Variants in RBM5 observed in about 807,000 individuals in gnomAD.
The protein encoded by RBM5 is RNA binding motif protein 5.
A neutral mutation model predicts 124.6 loss-of-function variants in RBM5; 15 were observed. The ratio of observed to expected loss-of-function variants is 0.12; its 90% CI spans 0.08 to 0.19. The LOEUF (loss-of-function observed/expected upper bound fraction) is 0.19, where lower values mean the gene tolerates loss of function less well. RBM5 is among the 10% of genes least tolerant of loss of function. RBM5 has a pLI of 1.00. For missense variants in RBM5, 580 were observed against 1,026.5 expected (o/e 0.57, Z 5.94); for synonymous variants, 337 against 361.2 (o/e 0.93, Z 0.76).
At chr3:50,092,657 T>C in intron 3 of RBM5, 1 of 421,872 alleles carries the variant, frequency 2.4e-6, no homozygotes, top group Admixed American at 2.5e-5. Flanking sequence ...CATTTAGGTC[T>C]CAGTACAACC....
rs540432981 is a variant in RBM5 at position 50,109,585 on chromosome 3, A to G, written c.1193-18A>G. On this transcript the variant is annotated intron_variant, in intron 14 of 24. Coordinates refer to ENST00000347869, the MANE Select transcript of RBM5 (RefSeq NM_005778.4). ...GTTCAGTGCCTTGGCTTTCCCTAAC[A>G]CTTGTGTTTATCATCAGGCACAGCA... 16 of 1,609,052 alleles carry G rather than the reference A, an allele frequency of 9.9e-6. 1 individual carries two copies. In the South Asian group the frequency reaches 1.2e-4, roughly 12 times the overall value.
rs140927160 is a variant in RBM5 at position 50,101,376 on chromosome 3, C to G, written c.483+771C>G. On this transcript the variant is annotated intron_variant, in intron 6 of 24. Coordinates refer to ENST00000347869, the MANE Select transcript of RBM5 (RefSeq NM_005778.4). Reference sequence around the variant, plus strand: ...CTGGGAAGTTTGCTTGACTCATTATCTTGCTTTTCTGCAGCATTCTGTGAT... The same window carrying G: ...CTGGGAAGTTTGCTTGACTCATTATGTTGCTTTTCTGCAGCATTCTGTGAT... The G allele has an allele frequency of 3.1e-4, 47 of 152,294 alleles. 1 individual carries two copies. The East Asian group carries it at 8.9e-3, about 29-fold the overall frequency. The allele number at this position is 152,294 out of a possible 1,614,324, so 9.4% of individuals were successfully genotyped here. A position where few individuals can be genotyped will look rare whatever the true frequency, so the allele number is the denominator to read the frequency against.
chr3:50,115,379 C>T (rs758658078), intron 20 of RBM5, 49 bp from the exon 21 acceptor site: 2 of 1,586,702 alleles, frequency 1.3e-6, no homozygotes, highest in Admixed American at 3.8e-5. Context: ...TAGCCACCGC[C>T]ATCTTCCTAT....
At chr3:50,093,957 GTTTTA>G in intron 4 of RBM5, 82 bp downstream of exon 4, 1 of 1,485,308 alleles carries the variant, frequency 6.7e-7, no homozygotes, top group Non-Finnish European at 9.2e-7. Flanking sequence ...TCATGCTATT[GTTTTA>G]TCTTAAGCCA....
At chr3:50,110,600 T>G (rs1330406249) in intron 16 of RBM5, 79 bp from the exon 17 acceptor site, 16 of 1,449,554 alleles carry the variant, frequency 1.1e-5, no homozygotes, top group Non-Finnish European at 1.5e-5. Context: ...TTAGGCCTGC[T>G]GCATCTCACT....
At chr3:50,109,751 A>G (rs2109011524) in intron 15 of RBM5, 63 bp downstream of exon 15, 2 of 1,320,592 alleles carry the variant, frequency 1.5e-6, no homozygotes, top group Non-Finnish European at 2.2e-6. Flanking sequence ...TTGCTATACA[A>G]GTATTACCCT....
intron 22 of RBM5, 86 bp from the exon 23 acceptor site, chr3:50,116,988 T>G: frequency 8.1e-7 from 1 of 1,231,070 alleles, no homozygotes; most frequent in Non-Finnish European, 1.2e-6. Context: ...TAAAAATACT[T>G]GAGGGGATAG....
chr3:50,110,562 C>G, intron 16 of RBM5, 99 bp downstream of exon 16: 2 of 1,438,208 alleles, frequency 1.4e-6, no homozygotes, highest in Admixed American at 1.8e-5. Context: ...CAGAGGGACA[C>G]TTGGGGATGT....
chr3:50,117,418 A>G lies in RBM5; in HGVS notation c.2322+39A>G, dbSNP rs2091274608. The G allele has an allele frequency of 6.2e-7, 1 of 1,610,204 alleles. No individual in the cohort carries two copies. Among genetic ancestry groups the G allele is most frequent in the Admixed American group, 1.7e-5 (1 of 59,952 alleles). ...TCAGGTCTTGATGTTTGCCAGGCTT[A>G]CAGGCCGGTTCCAGAGATGAGATCA... On this transcript the variant is annotated intron_variant, in intron 24 of 24. Transcript: ENST00000347869. This position sits in a 1 kb window ranked among gnomAD's most constrained non-coding sequence, Gnocchi z 4.2.
At chr3:50,112,664 G>C (rs948795086) in intron 17 of RBM5, 1 of 152,216 alleles carries the variant, frequency 6.6e-6, no homozygotes, top group Non-Finnish European at 1.5e-5. Flanking sequence ...GTATCCAATG[G>C]ATTCTATGTG....
intron 1 of RBM5, among the ~76,000 whole-genome samples, chr3:50,089,560 C>T (rs1414937981): frequency 1.3e-5 from 2 of 152,266 alleles, no homozygotes; most frequent in Non-Finnish European, 2.9e-5. Context: ...GTGCCGGCAC[C>T]GCCCGGGAGA....
chr3:50,096,358 C>T (rs1327837270), intron 4 of RBM5, among the ~76,000 whole-genome samples: 1 of 151,360 alleles, frequency 6.6e-6, no homozygotes, highest in African/African-American at 2.4e-5. Context: ...CTTAATGGCG[C>T]TTGTCTGTGG....
intron 8 of RBM5, chr3:50,104,776 C>T (rs148621277): frequency 5.8e-6 from 2 of 346,272 alleles, no homozygotes; most frequent in African/African-American, 4.2e-5. Context: ...TAATGCTGCT[C>T]ATGATTGTGA....
Position 50,100,471 on chromosome 3 carries a change from A to C in RBM5, c.410-61A>C. 1 of 1,380,820 alleles carries C rather than the reference A, an allele frequency of 7.2e-7. No individual in the cohort carries two copies. Among genetic ancestry groups the C allele is most frequent in the Non-Finnish European group, 1.0e-6 (1 of 973,828 alleles). 85.5% of individuals were successfully genotyped at this position (1,380,820 alleles called of 1,614,324 possible). A position where few individuals can be genotyped will look rare whatever the true frequency, so the allele number is the denominator to read the frequency against. ...TGTTGAAGCAGTGGGAGAGAGATTCACCTGTTATAAAGGAACTGACTAACA... is the reference window on the plus strand; with the variant it reads ...TGTTGAAGCAGTGGGAGAGAGATTCCCCTGTTATAAAGGAACTGACTAACA... On this transcript the variant is annotated intron_variant, in intron 5 of 24. Coordinates refer to ENST00000347869, the MANE Select transcript of RBM5 (RefSeq NM_005778.4). This position sits in a 1 kb window ranked among gnomAD's most constrained non-coding sequence, Gnocchi z 5.1.
At chr3:50,111,905 AT>A (rs1395754675) in intron 17 of RBM5, among the ~76,000 whole-genome samples, 1 of 152,064 alleles carries the variant, frequency 6.6e-6, no homozygotes, top group Non-Finnish European at 1.5e-5. Context: ...AGTAATAAGT[AT>A]TTTTAACAGG....
At position 50,113,481 on chromosome 3, in the gene RBM5, C is replaced by T. The variant is rs778693085; in HGVS notation, c.1554C>T (p.Gly518=). Residue 518 remains glycine (G), a synonymous_variant, in exon 18 of 25, where the codon GGC becomes GGT. Transcript: ENST00000347869. ...AGTCTAGCTCCCACCAGCAGTCGGG[C>T]CTGCCTCCTGCAAAAGAGGGGAAAG... ...AAESSSHQQS[G]LPPAKEGKEK... is the part of the protein sequence containing the mutation. 6.2e-7 allele frequency: 1 copy of T among 1,614,106 alleles called. No individual in the cohort carries two copies. Among genetic ancestry groups the T allele is most frequent in the Non-Finnish European group, 8.5e-7 (1 of 1,180,010 alleles).
Position 50,113,557 on chromosome 3 carries a change from C to G in RBM5, c.1617+13C>G. 6.3e-7 allele frequency: 1 copy of G among 1,599,250 alleles called. No individual in the cohort carries two copies. Among genetic ancestry groups the G allele is most frequent in the East Asian group, 2.2e-5 (1 of 44,626 alleles). Reference sequence around the variant, plus strand: ...AACAGCCCAGCAGGTTAGAACATGACCCATATTTCTTTCATTGAGGTATTG... The same window carrying G: ...AACAGCCCAGCAGGTTAGAACATGAGCCATATTTCTTTCATTGAGGTATTG... On this transcript the variant is annotated intron_variant, in intron 18 of 24. Transcript: ENST00000347869.
chr3:50,097,421 A>G (rs2090842378), intron 4 of RBM5, among the ~76,000 whole-genome samples: 1 of 151,900 alleles, frequency 6.6e-6, no homozygotes, highest in Non-Finnish European at 1.5e-5. Context: ...AACTGCTACA[A>G]GTATTGATTT....
chr3:50,091,326 A>G (rs1462124347), intron 2 of RBM5, among the ~76,000 whole-genome samples: 1 of 152,144 alleles, frequency 6.6e-6, no homozygotes, highest in African/African-American at 2.4e-5. Flanking sequence ...CCTTTGCCTT[A>G]TGATTGCACA....
Sources: gnomAD v4.1 joint callset for allele counts (sites outside exome capture counted in the v4.1 genomes callset) on GRCh38, gnomAD v4.1.1 for gene constraint, Gnocchi (gnomAD v3.1) non-coding constraint, MANE v1.5 for transcripts, NCBI Gene and HGNC (gene_info 2026-07-23, HGNC 2026-07-21) for gene names.